ABI3BP: variants seen among roughly 807,000 people sequenced by gnomAD.
The protein encoded by ABI3BP is target of Nesh-SH3.
A neutral mutation model predicts 268.6 loss-of-function variants in ABI3BP; 216 were observed. That is an observed-to-expected ratio of 0.80 (90% CI 0.72 to 0.90). ABI3BP has a LOEUF of 0.90. ABI3BP is among the 40% of genes least tolerant of loss of function. The probability of loss-of-function intolerance (pLI) is 0.00; values close to 1 mark genes in which losing one functional copy is unlikely to be tolerated. For synonymous variants in ABI3BP, 730 were observed against 730.0 expected, an observed-to-expected ratio of 1.00 and a Z score of 0.00; for missense variants, 2,090 against 2,182.4, an observed-to-expected ratio of 0.96 and a Z score of 0.84.
At chr3:100,977,493 T>C (rs1576199104) in intron 1 of ABI3BP, among the ~76,000 whole-genome samples, 1 of 152,304 alleles carries the variant, frequency 6.6e-6, no homozygotes, top group Admixed American at 6.5e-5. Flanking sequence ...CTCACTCCGA[T>C]GGCTAGCAAA....
At chr3:100,889,505 TCA>T (rs1239878719) in intron 4 of ABI3BP, among the ~76,000 whole-genome samples, 2 of 152,182 alleles carry the variant, frequency 1.3e-5, no homozygotes, top group African/African-American at 4.8e-5. Context: ...TAACATATAG[TCA>T]CAGTCTTGTC....
At position 100,839,623 on chromosome 3, in the gene ABI3BP, A is replaced by G; in HGVS notation, c.1898-7T>C. The stretch of plus-strand genomic sequence containing the variant: ...ATCGTGGCAGGTTCCAGAGCTACAG[A>G]AGCAAATACCAAAAACATGAAATAT... On this transcript the variant is annotated splice_polypyrimidine_tract_variant and splice_region_variant and intron_variant, in intron 23 of 67. Coordinates refer to ENST00000471714, the MANE Select transcript of ABI3BP (RefSeq NM_001375547.2). 6.5e-7 allele frequency: 1 copy of G among 1,535,806 alleles called. No individual in the cohort carries two copies. Among genetic ancestry groups the G allele is most frequent in the African/African-American group, 1.4e-5 (1 of 73,140 alleles).
At chr3:100,779,423 A>G (rs2096802001) in intron 58 of ABI3BP, among the ~76,000 whole-genome samples, 1 of 152,198 alleles carries the variant, frequency 6.6e-6, no homozygotes, top group Non-Finnish European at 1.5e-5. Context: ...ACCTTTTTAT[A>G]ATTTGCAGAA....
chr3:100,804,673 C>T, intron 51 of ABI3BP, 119 bp downstream of exon 51: 1 of 891,100 alleles, frequency 1.1e-6, no homozygotes, highest in Non-Finnish European at 1.8e-6. Flanking sequence ...ACATATGATA[C>T]AACATGGGAT....
intron 60 of ABI3BP, 105 bp downstream of exon 60, chr3:100,775,102 G>A: frequency 1.5e-6 from 2 of 1,331,652 alleles, no homozygotes; most frequent in Non-Finnish European, 2.0e-6. Flanking sequence ...ATAAAATGGA[G>A]TAAAATAGAA....
chr3:100,812,567 G>T, intron 45 of ABI3BP, 44 bp from the exon 46 acceptor site: 1 of 1,234,978 alleles, frequency 8.1e-7, no homozygotes, highest in African/African-American at 1.5e-5. Context: ...AGGATAGGTT[G>T]TAAGTATTTA....
chr3:100,812,659 TAACTG>T lies in ABI3BP; in HGVS notation c.3365-141_3365-137del, dbSNP rs1334845398. 10 of 467,970 alleles carry T rather than the reference TAACTG, an allele frequency of 2.1e-5. No homozygotes were observed. The Admixed American group carries it at 3.1e-4, about 14-fold the overall frequency. The allele number at this position is 467,970 out of a possible 1,614,324, so 29.0% of individuals were successfully genotyped here. ...TTATTAACACTAAGGGAAGCTCTCATAACTGAACTGAATTCACAACATGATAACTA... is the reference window on the plus strand; with the variant it reads ...TTATTAACACTAAGGGAAGCTCTCATAACTGAATTCACAACATGATAACTA... On this transcript the variant is annotated intron_variant, in intron 45 of 67. Transcript: ENST00000471714.
chr3:100,846,549 G>A lies in ABI3BP; in HGVS notation c.1649-103C>T, dbSNP rs1393557276. On this transcript the variant is annotated intron_variant, in intron 19 of 67. Transcript: ENST00000471714. ...CTAGAAATAAACTATACATTAAATG[G>A]AATGAACTCATCGTCTTGGAAGATT... 23 of 735,604 alleles carry A rather than the reference G, an allele frequency of 3.1e-5. No homozygotes were observed. The Admixed American group carries it at 6.7e-4, about 21-fold the overall frequency. The allele number at this position is 735,604 out of a possible 1,614,324, so 45.6% of individuals were successfully genotyped here.
chr3:100,881,500 G>C (rs1190663457), intron 6 of ABI3BP, among the ~76,000 whole-genome samples: 2 of 152,122 alleles, frequency 1.3e-5, no homozygotes, highest in African/African-American at 4.8e-5. Flanking sequence ...CTGTTAATAA[G>C]TGCTACATAC....
At position 100,750,363 on chromosome 3, in the gene ABI3BP, A is replaced by C. The variant is rs1277681253; in HGVS notation, c.*132T>G. ...TCAGCAATCTTTTCTAATAATAAACATCTAGTATTGCTATTAATTAGATTG... is the reference window on the plus strand; with the variant it reads ...TCAGCAATCTTTTCTAATAATAAACCTCTAGTATTGCTATTAATTAGATTG... On this transcript the variant is annotated 3_prime_UTR_variant, in exon 68 of 68. Coordinates refer to ENST00000471714, the MANE Select transcript of ABI3BP (RefSeq NM_001375547.2). 1.3e-5 allele frequency: 8 copies of C among 596,172 alleles called. No homozygotes were observed. Among genetic ancestry groups the C allele is most frequent in the Non-Finnish European group, 2.2e-5 (8 of 355,822 alleles). 36.9% of individuals were successfully genotyped at this position (596,172 alleles called of 1,614,324 possible).
At chr3:100,841,085 G>A (rs2098689016) in intron 21 of ABI3BP, among the ~76,000 whole-genome samples, 1 of 151,096 alleles carries the variant, frequency 6.6e-6, no homozygotes, top group African/African-American at 2.4e-5. Flanking sequence ...AAAGAGAAAT[G>A]GAACAAAAAG....
chr3:100,977,107 C>T (rs1394340324), intron 1 of ABI3BP, among the ~76,000 whole-genome samples: 3 of 152,126 alleles, frequency 2.0e-5, no homozygotes, highest in African/African-American at 4.8e-5. Context: ...ATTCTCTTCC[C>T]GTGTTTATTT....
At chr3:100,970,016 G>T (rs77277272) in intron 1 of ABI3BP, among the ~76,000 whole-genome samples, 1 of 151,972 alleles carries the variant, frequency 6.6e-6, no homozygotes. Context: ...TATTCCCATG[G>T]GGCTACTCTC....
intron 42 of ABI3BP, 49 bp downstream of exon 42, chr3:100,817,387 T>C: frequency 1.5e-6 from 2 of 1,304,186 alleles, no homozygotes; most frequent in African/African-American, 3.0e-5. Context: ...ATGGAATGGA[T>C]TTGAAAATAA....
chr3:100,873,822 A>C (rs2099134235), intron 9 of ABI3BP, among the ~76,000 whole-genome samples: 1 of 152,142 alleles, frequency 6.6e-6, no homozygotes, highest in Non-Finnish European at 1.5e-5. Flanking sequence ...AGCCCCCAGC[A>C]ACTTGCGGTT....
chr3:100,830,279 C>T (rs569101643), intron 32 of ABI3BP, among the ~76,000 whole-genome samples: 5 of 150,830 alleles, frequency 3.3e-5, no homozygotes, highest in African/African-American at 1.2e-4. Flanking sequence ...TCACCTCCAC[C>T]CTCCAGTGAT....
At chr3:100,895,618 T>C (rs1056166660) in intron 4 of ABI3BP, among the ~76,000 whole-genome samples, 2 of 152,212 alleles carry the variant, frequency 1.3e-5, no homozygotes, top group Middle Eastern at 6.3e-3. Flanking sequence ...CAATTGGTGT[T>C]CCTGTAGCAA....
At chr3:100,843,401 AGTGT>A (rs58147308) in intron 20 of ABI3BP, among the ~76,000 whole-genome samples, 36,848 of 148,942 alleles carry the variant, frequency 0.25, 4,816 homozygotes, top group Non-Finnish European at 0.3. Context: ...AAAAATTCTG[AGTGT>A]GTGTGTGTGT....
At chr3:100,802,665 T>A (rs1230996062) in intron 51 of ABI3BP, among the ~76,000 whole-genome samples, 1 of 152,176 alleles carries the variant, frequency 6.6e-6, no homozygotes, top group Non-Finnish European at 1.5e-5. Context: ...TGAGACTGAC[T>A]TCCTCTTTGA....
Sources: gnomAD v4.1 joint callset for allele counts (sites outside exome capture counted in the v4.1 genomes callset) on GRCh38, gnomAD v4.1.1 for gene constraint, MANE v1.5 for transcripts, NCBI Gene and HGNC (gene_info 2026-07-23, HGNC 2026-07-21) for gene names.